The following CCDC60 variants were observed in gnomAD, a reference collection of about 807,000 sequenced individuals.
CCDC60 encodes the protein coiled-coil domain-containing protein 60.
Under a neutral mutation model 63.5 loss-of-function variants are expected in CCDC60, and 54 were observed. The observed-to-expected ratio is 0.85, with a 90% CI of 0.68 to 1.07. The LOEUF (loss-of-function observed/expected upper bound fraction) is 1.07. Among genes scored for constraint, CCDC60 ranks in the 50% least tolerant of loss-of-function variants. The pLI, the probability that CCDC60 is intolerant of heterozygous loss-of-function variation, is 0.00. For missense variants in CCDC60, 651 were observed against 684.3 expected (o/e 0.95, Z 0.54); for synonymous variants, 206 against 238.8 (o/e 0.86, Z 1.27).
At chr12:119,503,514 T>A (rs1340899592) in intron 6 of CCDC60, among the ~76,000 whole-genome samples, 2 of 152,232 alleles carry the variant, frequency 1.3e-5, no homozygotes, top group Non-Finnish European at 1.5e-5. Context: ...CCAGTTCAAA[T>A]TCCATTTCTC....
At chr12:119,427,232 C>G (rs1469172859) in intron 1 of CCDC60, among the ~76,000 whole-genome samples, 2 of 152,170 alleles carry the variant, frequency 1.3e-5, no homozygotes, top group East Asian at 3.8e-4. Context: ...AAAATCACTG[C>G]ATTTTGGAGC....
chr12:119,361,464 A>G (rs1193862892), intron 1 of CCDC60, among the ~76,000 whole-genome samples: 1 of 152,154 alleles, frequency 6.6e-6, no homozygotes, highest in African/African-American at 2.4e-5. Flanking sequence ...TTGAGTGTCA[A>G]AATGGCCACC....
intron 10 of CCDC60, 55 bp downstream of exon 10, chr12:119,523,056 C>A: frequency 2.1e-6 from 3 of 1,458,158 alleles, no homozygotes; most frequent in Non-Finnish European, 1.9e-6. Flanking sequence ...GGTGACCACA[C>A]CCTCTATCTT....
At chr12:119,348,073 G>A (rs1195060941) in intron 1 of CCDC60, among the ~76,000 whole-genome samples, 1 of 152,182 alleles carries the variant, frequency 6.6e-6, no homozygotes, top group Non-Finnish European at 1.5e-5. Flanking sequence ...AAGGCAATTA[G>A]CACATGACTG....
chr12:119,375,515 C>A (rs898082492), intron 1 of CCDC60, among the ~76,000 whole-genome samples: 1 of 152,178 alleles, frequency 6.6e-6, no homozygotes, highest in Non-Finnish European at 1.5e-5. Context: ...ACCCTACCTA[C>A]TGACCCATCA....
intron 7 of CCDC60, among the ~76,000 whole-genome samples, chr12:119,514,212 T>G (rs149642769): frequency 1.3e-5 from 2 of 152,048 alleles, no homozygotes; most frequent in African/African-American, 4.8e-5. Context: ...GTTTCGCTCA[T>G]GTTGCCCAGG....
intron 1 of CCDC60, among the ~76,000 whole-genome samples, chr12:119,403,339 G>A (rs559996595): frequency 6.6e-6 from 1 of 152,264 alleles, no homozygotes; most frequent in Admixed American, 6.5e-5. Context: ...AGGTGAGAGA[G>A]GAAGGCTCCC....
chr12:119,473,936 G>T (rs1951121053), intron 3 of CCDC60, among the ~76,000 whole-genome samples: 2 of 152,266 alleles, frequency 1.3e-5, no homozygotes, highest in Admixed American at 1.3e-4. Context: ...ACATGCATGT[G>T]CAAGTGTCTT....
intron 1 of CCDC60, among the ~76,000 whole-genome samples, chr12:119,335,865 G>A (rs1372152493): frequency 6.6e-6 from 1 of 151,688 alleles, no homozygotes; most frequent in Non-Finnish European, 1.5e-5. Flanking sequence ...TAGACGTGAA[G>A]TCCTTGCCCA....
intron 1 of CCDC60, among the ~76,000 whole-genome samples, chr12:119,383,509 G>C (rs1034828493): frequency 2.0e-5 from 3 of 152,178 alleles, no homozygotes; most frequent in Non-Finnish European, 2.9e-5. Flanking sequence ...ACAGAGTATG[G>C]AGATGAGGGC....
At chr12:119,471,618 G>A (rs1393403043) in intron 2 of CCDC60, among the ~76,000 whole-genome samples, 2 of 152,170 alleles carry the variant, frequency 1.3e-5, no homozygotes, top group East Asian at 3.9e-4. Context: ...CTTGGCCAAG[G>A]TCTTTAGTAC....
At chr12:119,369,095 T>A (rs1485017823) in intron 1 of CCDC60, among the ~76,000 whole-genome samples, 1 of 152,030 alleles carries the variant, frequency 6.6e-6, no homozygotes, top group Admixed American at 6.6e-5. Flanking sequence ...GCTGCAGAAC[T>A]AGGGATACAG....
At chr12:119,481,288 A>C (rs574505155) in intron 4 of CCDC60, among the ~76,000 whole-genome samples, 1 of 152,152 alleles carries the variant, frequency 6.6e-6, no homozygotes, top group African/African-American at 2.4e-5. Flanking sequence ...GCAATTTCTC[A>C]TGATGTCTCT....
intron 1 of CCDC60, among the ~76,000 whole-genome samples, chr12:119,411,755 T>C (rs548684410): frequency 3.9e-5 from 6 of 152,212 alleles, no homozygotes; most frequent in African/African-American, 1.4e-4. Flanking sequence ...TTTCTGAGCC[T>C]GTTCCCATCT....
chr12:119,531,820 G>A (rs1262686225), intron 13 of CCDC60, among the ~76,000 whole-genome samples: 9 of 152,224 alleles, frequency 5.9e-5, no homozygotes, highest in Non-Finnish European at 1.3e-4. Context: ...ACCATCACCA[G>A]AAGAAGTTCC....
intron 6 of CCDC60, among the ~76,000 whole-genome samples, chr12:119,500,476 A>T (rs1951826314): frequency 6.6e-6 from 1 of 151,908 alleles, no homozygotes; most frequent in African/African-American, 2.4e-5. Context: ...CTTCTAAATC[A>T]ATAACAGTCA....
chr12:119,398,426 C>T (rs1401330428), intron 1 of CCDC60, among the ~76,000 whole-genome samples: 4 of 152,148 alleles, frequency 2.6e-5, no homozygotes, highest in African/African-American at 4.8e-5. Context: ...TCTCCCTGCA[C>T]GCCTCCCCGC....
At chr12:119,370,746 A>C (rs1955889241) in intron 1 of CCDC60, among the ~76,000 whole-genome samples, 1 of 152,198 alleles carries the variant, frequency 6.6e-6, no homozygotes, top group Non-Finnish European at 1.5e-5. Flanking sequence ...TTAGAATATG[A>C]GGCAGGCATA....
Position 119,335,004 on chromosome 12 carries a change from C to T in CCDC60, c.-173C>T. On this transcript the variant is annotated 5_prime_UTR_variant, in exon 1 of 14. Transcript: ENST00000327554. ...TTCCTTATCCCGTCTGTGGGAGACC[C>T]AGGTGCTTTCTCATTACTCTTCAGA... The T allele has an allele frequency of 1.8e-6, 1 of 544,308 alleles. No individual in the cohort carries two copies. The highest frequency in any genetic ancestry group is 3.3e-6 in the Non-Finnish European group (1 of 306,824). The allele number at this position is 544,308 out of a possible 1,614,324, so 33.7% of individuals were successfully genotyped here.
Sources: allele counts gnomAD v4.1 joint callset (sites outside exome capture counted in the v4.1 genomes callset), GRCh38; gene constraint gnomAD v4.1.1; transcripts MANE v1.5; gene names NCBI Gene and HGNC (gene_info 2026-07-23, HGNC 2026-07-21).